The following AGBL1 variants were observed in gnomAD, a reference collection of about 807,000 sequenced individuals.
The protein encoded by AGBL1 is AGBL carboxypeptidase 1.
AGBL1 carries 130 observed loss-of-function variants against 118.9 expected under a neutral mutation model. The observed-to-expected ratio is 1.09, with a 90% CI of 0.95 to 1.26. AGBL1 has a LOEUF of 1.26. AGBL1 is among the 50% of genes most tolerant of loss of function. The pLI, the probability that AGBL1 is intolerant of heterozygous loss-of-function variation, is 0.00. For synonymous variants in AGBL1, 555 were observed against 478.9 expected, an observed-to-expected ratio of 1.16 and a Z score of -2.08; for missense variants, 1,584 against 1,298.1, an observed-to-expected ratio of 1.22 and a Z score of -3.38.
intron 17 of AGBL1, among the ~76,000 whole-genome samples, chr15:86,329,402 A>G (rs1012243819): frequency 2.0e-5 from 3 of 151,704 alleles, no homozygotes; most frequent in African/African-American, 4.8e-5. Context: ...GAGCTGTCTC[A>G]CCCTTCCTGT....
intron 23 of AGBL1, among the ~76,000 whole-genome samples, chr15:86,942,506 A>G (rs1056294743): frequency 1.3e-5 from 2 of 152,062 alleles, no homozygotes; most frequent in African/African-American, 4.8e-5. Flanking sequence ...TGACTCATGG[A>G]CTCTCACTCA....
At chr15:86,571,084 TACAC>T (rs2083999932) in intron 21 of AGBL1, among the ~76,000 whole-genome samples, 1 of 152,162 alleles carries the variant, frequency 6.6e-6, no homozygotes, top group East Asian at 1.9e-4. Context: ...CTGGACCGGC[TACAC>T]CACAAGCAGC....
intron 18 of AGBL1, among the ~76,000 whole-genome samples, chr15:86,473,628 GAGAC>G (rs1208568690): frequency 6.6e-6 from 1 of 151,984 alleles, no homozygotes; most frequent in Non-Finnish European, 1.5e-5. Context: ...AAACTATTCT[GAGAC>G]AGTATTTCAA....
intron 5 of AGBL1, among the ~76,000 whole-genome samples, chr15:86,215,826 C>T (rs567199506): frequency 8.5e-5 from 13 of 152,240 alleles, no homozygotes; most frequent in African/African-American, 1.7e-4. Context: ...ACAGTTTGAA[C>T]GGGTCCTAGA....
At chr15:86,295,134 A>G (rs1293029421) in intron 16 of AGBL1, 121 bp from the exon 17 acceptor site, 11 of 1,236,512 alleles carry the variant, frequency 8.9e-6, no homozygotes, top group South Asian at 1.4e-5. Flanking sequence ...GGCCCAATAC[A>G]TAAAGGACAG....
chr15:86,523,542 G>A (rs1018454482), intron 19 of AGBL1, among the ~76,000 whole-genome samples: 2 of 148,998 alleles, frequency 1.3e-5, no homozygotes, highest in South Asian at 2.1e-4. Context: ...CAAACCCCCA[G>A]CGTAGTAGTC....
chr15:86,856,944 C>T (rs760771068), intron 22 of AGBL1, among the ~76,000 whole-genome samples: 7 of 152,068 alleles, frequency 4.6e-5, no homozygotes, highest in Non-Finnish European at 8.8e-5. Flanking sequence ...TAGTTTTGTC[C>T]CGAAGTCCCA....
chr15:86,100,319 G>A (rs969021112), intron 1 of AGBL1, among the ~76,000 whole-genome samples: 2 of 152,112 alleles, frequency 1.3e-5, no homozygotes, highest in African/African-American at 4.8e-5. Flanking sequence ...TCAGGTTTTA[G>A]TATCAGGGTA....
intron 22 of AGBL1, among the ~76,000 whole-genome samples, chr15:86,836,648 C>T (rs902053006): frequency 1.3e-5 from 2 of 152,082 alleles, no homozygotes; most frequent in African/African-American, 2.4e-5. Flanking sequence ...TTATCCTGGT[C>T]CCAGTGACCT....
At chr15:86,898,781 G>GA (rs948495288) in intron 22 of AGBL1, among the ~76,000 whole-genome samples, 12 of 150,682 alleles carry the variant, frequency 8.0e-5, no homozygotes, top group South Asian at 4.2e-4. Context: ...GTAAGAATAT[G>GA]AAAAAAAAAG....
chr15:86,995,734 C>A (rs2081373610), intron 24 of AGBL1, among the ~76,000 whole-genome samples: 1 of 152,160 alleles, frequency 6.6e-6, no homozygotes, highest in Admixed American at 6.5e-5. Flanking sequence ...AACAATTTTT[C>A]CTCCTGAATT....
intron 22 of AGBL1, among the ~76,000 whole-genome samples, chr15:86,844,844 T>C (rs1392082344): frequency 1.3e-5 from 2 of 152,184 alleles, no homozygotes; most frequent in African/African-American, 4.8e-5. Context: ...TTTGCTCTTA[T>C]GTTCTATGAG....
chr15:86,104,414 A>G (rs566242265), intron 1 of AGBL1, among the ~76,000 whole-genome samples: 1 of 152,262 alleles, frequency 6.6e-6, no homozygotes, highest in South Asian at 2.1e-4. Context: ...TGATGGCTGC[A>G]GGTAGGGTAG....
chr15:86,605,089 T>A (rs889735181), intron 21 of AGBL1, among the ~76,000 whole-genome samples: 3 of 151,904 alleles, frequency 2.0e-5, no homozygotes, highest in African/African-American at 7.2e-5. Flanking sequence ...GCCACCGCGC[T>A]CAGCTCACCT....
intron 23 of AGBL1, among the ~76,000 whole-genome samples, chr15:86,925,821 C>A (rs1322274039): frequency 6.6e-6 from 1 of 151,560 alleles, no homozygotes; most frequent in Non-Finnish European, 1.5e-5. Flanking sequence ...ACCTCCACCT[C>A]CCAGGTTCAA....
chr15:86,591,927 T>G (rs1270859996), intron 21 of AGBL1, among the ~76,000 whole-genome samples: 1 of 152,154 alleles, frequency 6.6e-6, no homozygotes, highest in East Asian at 1.9e-4. Context: ...AGTCAATAAT[T>G]AACATACAAA....
intron 22 of AGBL1, among the ~76,000 whole-genome samples, chr15:86,798,914 G>A (rs886906130): frequency 6.6e-6 from 1 of 151,958 alleles, no homozygotes; most frequent in African/African-American, 2.4e-5. Flanking sequence ...TTGACTTAAA[G>A]ATTTGGGGAA....
chr15:86,658,223 T>G (rs772494587), intron 21 of AGBL1, among the ~76,000 whole-genome samples: 1 of 152,124 alleles, frequency 6.6e-6, no homozygotes, highest in Non-Finnish European at 1.5e-5. Flanking sequence ...ATGAAGCAAT[T>G]AATAATGTAA....
chr15:86,353,723 G>C (rs570603237), intron 17 of AGBL1, among the ~76,000 whole-genome samples: 3 of 152,050 alleles, frequency 2.0e-5, no homozygotes, highest in African/African-American at 7.2e-5. Context: ...ATTCAATTTC[G>C]GACAGACAGA....
Sources: allele counts gnomAD v4.1 joint callset (sites outside exome capture counted in the v4.1 genomes callset), GRCh38; gene constraint gnomAD v4.1.1; transcripts MANE v1.5; gene names NCBI Gene and HGNC (gene_info 2026-07-23, HGNC 2026-07-21).